EIF5B: variants seen among roughly 807,000 people sequenced by gnomAD.
EIF5B encodes eukaryotic translation initiation factor 5B, also known as eIF-5B.
In EIF5B, 47 loss-of-function variants were observed where a neutral mutation model predicts 147.5. That is an observed-to-expected ratio of 0.32 (90% CI 0.25 to 0.41). EIF5B has a LOEUF of 0.41. Among genes scored for constraint, EIF5B ranks in the 10% least tolerant of loss-of-function variants. The pLI is 1.00. For missense variants in EIF5B, 1,064 were observed against 1,413.2 expected (o/e 0.75, Z 3.96); for synonymous variants, 455 against 456.2 (o/e 1.00, Z 0.03).
chr2:99,385,866 C>T (rs1234373787), intron 14 of EIF5B, among the ~76,000 whole-genome samples: 1 of 152,210 alleles, frequency 6.6e-6, no homozygotes, highest in African/African-American at 2.4e-5. Context: ...TCTCATGTTA[C>T]TTTGCAGTCA....
chr2:99,370,708 T>C (rs1222049739), intron 8 of EIF5B, among the ~76,000 whole-genome samples: 1 of 152,244 alleles, frequency 6.6e-6, no homozygotes, highest in Non-Finnish European at 1.5e-5. Context: ...AGGTACCACA[T>C]GTCCTACCCG....
In EIF5B at chr2:99,399,409, A is replaced by G; in HGVS notation, c.3658A>G (p.Ile1220Val). ...GGAGCTGAAGAAAGTATTTGAAATC[A>G]TCTAATTTTTTCACATGGAGCAGGA... is the stretch of plus-strand genomic sequence containing the variant. ...IVELKKVFEI[I>V] Residue 1220 changes from isoleucine (I) to valine (V), a missense_variant, in exon 24 of 24, where the codon ATC (isoleucine) becomes GTC (valine). Physicochemically the swap from Ile to Val is conservative, Grantham distance 29 (BLOSUM62 3). Coordinates refer to ENST00000289371, the MANE Select transcript of EIF5B (RefSeq NM_015904.4). The G allele has an allele frequency of 1.2e-6, 2 of 1,614,034 alleles. No homozygotes were observed. The highest frequency in any genetic ancestry group is 2.2e-5 in the East Asian group (1 of 44,880).
intron 12 of EIF5B, among the ~76,000 whole-genome samples, chr2:99,381,518 G>T (rs6721297): frequency 0.24 from 34,911 of 142,798 alleles, 4,129 homozygotes; most frequent in Middle Eastern, 0.31. Flanking sequence ...ACAAAAAGGG[G>T]GTGTGTGTGT....
chr2:99,399,281 C>A (rs752716328), intron 23 of EIF5B, 26 bp from the exon 24 acceptor site: 2 of 1,607,520 alleles, frequency 1.2e-6, no homozygotes, highest in Non-Finnish European at 1.7e-6. Context: ...GTTCTGTTTA[C>A]CCTGTTTGTG....
rs147438767 is a variant in EIF5B at position 99,369,403 on chromosome 2, A to C, written c.1399A>C (p.Met467Leu). 15 of 1,610,190 alleles carry C rather than the reference A, an allele frequency of 9.3e-6. No individual in the cohort carries two copies. Among genetic ancestry groups the C allele is most frequent in the Non-Finnish European group, 1.3e-5 (15 of 1,178,062 alleles). The part of the protein sequence containing the change: ...QLESKEVSES[M>L]ELCAAVEVME... The stretch of plus-strand genomic sequence containing the variant: ...TGCCCCTTTTTCAGTGTCTGAATCA[A>C]TGGAATTATGTGCTGCTGTAGAAGT... The change falls in exon 8 of 24, where the codon ATG becomes CTG. Residue 467 changes from methionine (M) to leucine (L), a missense_variant. Physicochemically the swap from Met to Leu is conservative, Grantham distance 15. This residue lies in a region of EIF5B where 195 missense variants were observed against 186.3 expected (regional missense o/e 1.05). Transcript: ENST00000289371.
chr2:99,378,420 C>G (rs992360740), intron 10 of EIF5B, among the ~76,000 whole-genome samples: 3 of 152,160 alleles, frequency 2.0e-5, no homozygotes, highest in Non-Finnish European at 4.4e-5. Context: ...CAAGGAAAAG[C>G]TTTCTCGCTC....
chr2:99,344,586 G>A (rs1344973180), intron 1 of EIF5B, among the ~76,000 whole-genome samples: 3 of 152,122 alleles, frequency 2.0e-5, no homozygotes, highest in East Asian at 1.9e-4. Context: ...TTAGGTGTGC[G>A]CCACCAGGCC....
At chr2:99,370,555 T>TA (rs1559252049) in intron 8 of EIF5B, among the ~76,000 whole-genome samples, 1 of 152,248 alleles carries the variant, frequency 6.6e-6, no homozygotes, top group African/African-American at 2.4e-5. Flanking sequence ...ATATGCTTAA[T>TA]AGCAGTCCAC....
intron 1 of EIF5B, among the ~76,000 whole-genome samples, chr2:99,348,565 G>C (rs564122394): frequency 6.6e-6 from 1 of 152,174 alleles, no homozygotes; most frequent in East Asian, 1.9e-4. Context: ...TGAATTTCCC[G>C]GTTTCTCTTA....
At chr2:99,338,250 G>A (rs1281161013) in intron 1 of EIF5B, 2 of 1,175,972 alleles carry the variant, frequency 1.7e-6, no homozygotes, top group African/African-American at 1.6e-5. Flanking sequence ...ACCAACCGAG[G>A]TCGCTCCTTT....
intron 6 of EIF5B, among the ~76,000 whole-genome samples, chr2:99,365,669 G>A (rs1674310681): frequency 6.6e-6 from 1 of 151,560 alleles, no homozygotes; most frequent in African/African-American, 2.4e-5. Flanking sequence ...AGTGTAGAAT[G>A]GTGGACTTTT....
In EIF5B at chr2:99,337,478, C is replaced by T. The variant is rs1478243058; in HGVS notation, c.-77C>T. On this transcript the variant is annotated 5_prime_UTR_variant, in exon 1 of 24. Transcript: ENST00000289371. ...CGAGGGGAAAAGAGCTGAGCGGAGACCAAAGTCAGCCGGGAGACAGTGGGT... is the reference window on the plus strand; with the variant it reads ...CGAGGGGAAAAGAGCTGAGCGGAGATCAAAGTCAGCCGGGAGACAGTGGGT... The T allele has an allele frequency of 1.9e-6, 3 of 1,567,130 alleles. No homozygotes were observed. Among genetic ancestry groups the T allele is most frequent in the Non-Finnish European group, 2.6e-6 (3 of 1,154,314 alleles).
chr2:99,396,160 C>T (rs533110535), intron 21 of EIF5B, among the ~76,000 whole-genome samples: 1 of 152,276 alleles, frequency 6.6e-6, no homozygotes, highest in South Asian at 2.1e-4. Context: ...AGGATTTAGA[C>T]TGGTATATGC....
At chr2:99,393,377 A>C (rs1674974066) in intron 18 of EIF5B, among the ~76,000 whole-genome samples, 2 of 152,154 alleles carry the variant, frequency 1.3e-5, no homozygotes. Context: ...TGGTGAATGC[A>C]CACCTGTAGT....
intron 12 of EIF5B, among the ~76,000 whole-genome samples, 186 bp downstream of exon 12, chr2:99,379,614 A>G (rs1400741159): frequency 6.6e-6 from 1 of 152,184 alleles, no homozygotes. Context: ...ACTACATATT[A>G]TAGGAGCTCT....
chr2:99,393,390 C>T (rs1001239536), intron 18 of EIF5B, among the ~76,000 whole-genome samples: 1 of 152,114 alleles, frequency 6.6e-6, no homozygotes, highest in Admixed American at 6.5e-5. Context: ...CCTGTAGTCC[C>T]AGCTACTTGG....
chr2:99,365,736 AC>A (rs1674312577), intron 6 of EIF5B, among the ~76,000 whole-genome samples: 1 of 152,112 alleles, frequency 6.6e-6, no homozygotes, highest in Non-Finnish European at 1.5e-5. Flanking sequence ...GGCATCCCTG[AC>A]GCTGGTCTCT....
chr2:99,363,814 A>G lies in EIF5B; in HGVS notation c.1089A>G (p.Glu363=). The G allele has an allele frequency of 6.2e-7, 1 of 1,613,496 alleles. No homozygotes were observed. The highest frequency in any genetic ancestry group is 8.5e-7 in the Non-Finnish European group (1 of 1,179,854). ...EEEERQKREE[E]ERIKRLEELE... is the part of the protein sequence containing the mutation. ...AAGAAAGACAGAAGAGAGAAGAGGA[A>G]GAACGTATAAAACGGCTTGAAGAAT... is the stretch of plus-strand genomic sequence containing the variant. Residue 363 remains glutamate, a synonymous_variant, in exon 5 of 24, where the codon GAA becomes GAG. Coordinates refer to ENST00000289371, the MANE Select transcript of EIF5B (RefSeq NM_015904.4).
chr2:99,394,151 C>T, intron 18 of EIF5B, 116 bp from the exon 19 acceptor site: 1 of 1,363,450 alleles, frequency 7.3e-7, no homozygotes, highest in Non-Finnish European at 1.0e-6. Flanking sequence ...TCTATCTAAG[C>T]CTTAGTTTCA....
Sources: gnomAD v4.1 joint callset for allele counts (sites outside exome capture counted in the v4.1 genomes callset) on GRCh38, gnomAD v4.1.1 for gene constraint, gnomAD v4.1.1 regional missense constraint, MANE v1.5 for transcripts, NCBI Gene and HGNC (gene_info 2026-07-23, HGNC 2026-07-21) for gene names.